SNX24: variants seen among roughly 807,000 people sequenced by gnomAD.
SNX24 encodes the protein sorting nexin 24.
SNX24 carries 22 observed loss-of-function variants against 28.7 expected under a neutral mutation model. That is an observed-to-expected ratio of 0.77 (90% CI 0.55 to 1.10). SNX24 has a LOEUF of 1.10. Among genes scored for constraint, SNX24 ranks in the 50% least tolerant of loss-of-function variants. SNX24 has a pLI of 0.00. For missense variants in SNX24, 221 were observed against 201.1 expected (o/e 1.10, Z -0.60); for synonymous variants, 69 against 71.5 (o/e 0.96, Z 0.18).
chr5:122,872,922 A>T (rs900960932), intron 1 of SNX24, among the ~76,000 whole-genome samples: 1 of 151,486 alleles, frequency 6.6e-6, no homozygotes, highest in Non-Finnish European at 1.5e-5. Flanking sequence ...TCAGGTTCAG[A>T]TGAGGCCAGT....
intron 1 of SNX24, among the ~76,000 whole-genome samples, chr5:122,917,382 A>T (rs1421989633): frequency 6.6e-6 from 1 of 152,234 alleles, no homozygotes; most frequent in Non-Finnish European, 1.5e-5. Flanking sequence ...ATCTCATTTG[A>T]CAATGAACTT....
chr5:122,869,406 A>C (rs1026067167), intron 1 of SNX24, among the ~76,000 whole-genome samples: 13 of 152,364 alleles, frequency 8.5e-5, no homozygotes, highest in African/African-American at 2.9e-4. Flanking sequence ...GATACCAGGA[A>C]ACCTGCTGAA....
At chr5:122,971,440 G>A (rs1166376211) in intron 3 of SNX24, among the ~76,000 whole-genome samples, 1 of 152,050 alleles carries the variant, frequency 6.6e-6, no homozygotes, top group African/African-American at 2.4e-5. Context: ...TTGACACTCA[G>A]TATTAACCAT....
At chr5:122,948,981 T>C (rs1759815424) in intron 3 of SNX24, among the ~76,000 whole-genome samples, 1 of 152,216 alleles carries the variant, frequency 6.6e-6, no homozygotes, top group South Asian at 2.1e-4. Context: ...AGATAGATGA[T>C]TTTTTAAATC....
intron 3 of SNX24, among the ~76,000 whole-genome samples, chr5:122,949,286 A>G: frequency 6.6e-6 from 1 of 152,318 alleles, no homozygotes; most frequent in East Asian, 1.9e-4. Context: ...TCAACTTGAA[A>G]ATAAACATAT....
intron 3 of SNX24, among the ~76,000 whole-genome samples, chr5:122,958,153 T>A (rs574021507): frequency 6.6e-6 from 1 of 152,330 alleles, no homozygotes; most frequent in Non-Finnish European, 1.5e-5. Context: ...TGATATTTAC[T>A]GTGGGTTTTA....
At chr5:122,911,812 C>A (rs879740582) in intron 1 of SNX24, among the ~76,000 whole-genome samples, 1,416 of 109,332 alleles carry the variant, frequency 0.013, 15 homozygotes, top group African/African-American at 0.034. Flanking sequence ...GGGCTCTGTT[C>A]TGTTCCATTG....
intron 4 of SNX24, among the ~76,000 whole-genome samples, chr5:123,000,961 T>C (rs950720908): frequency 6.6e-6 from 1 of 152,244 alleles, no homozygotes; most frequent in African/African-American, 2.4e-5. Flanking sequence ...CAGCTCCTCA[T>C]GAGCACTGTT....
In SNX24 at chr5:122,920,150, A is replaced by G. The variant is rs924240814; in HGVS notation, c.61-16584A>G. Among the ~76,000 whole-genome samples, 7 of 152,202 alleles carry G rather than the reference A, an allele frequency of 4.6e-5. No homozygotes were observed. In the South Asian group the frequency reaches 1.4e-3, roughly 32 times the overall value. On this transcript the variant is annotated intron_variant, in intron 1 of 6. Transcript: ENST00000261369. ...GGAGAGAGAGGTGTGAAAAGTTTGG[A>G]AAAGCCAGTTGGATGAGAAGGCATG...
intron 3 of SNX24, among the ~76,000 whole-genome samples, chr5:122,953,543 C>T (rs1042429077): frequency 4.1e-5 from 6 of 147,232 alleles, no homozygotes; most frequent in East Asian, 2.0e-4. Context: ...AAAAAACAAA[C>T]GATGGGCAAG....
At chr5:122,868,142 G>A (rs1395371866) in intron 1 of SNX24, among the ~76,000 whole-genome samples, 1 of 152,194 alleles carries the variant, frequency 6.6e-6, no homozygotes, top group African/African-American at 2.4e-5. Context: ...GGGGCCATAG[G>A]TGCAGACTGG....
At chr5:122,965,627 G>A (rs1392881594) in intron 3 of SNX24, 2 of 288,814 alleles carry the variant, frequency 6.9e-6, no homozygotes, top group Non-Finnish European at 1.4e-5. Context: ...GGATGGGGAT[G>A]GCTCACATTT....
At chr5:122,858,748 C>T (rs1184338359) in intron 1 of SNX24, among the ~76,000 whole-genome samples, 3 of 152,148 alleles carry the variant, frequency 2.0e-5, no homozygotes, top group Non-Finnish European at 4.4e-5. Flanking sequence ...TTCTTAATGT[C>T]ATTCATGATT....
intron 3 of SNX24, 104 bp from the exon 4 acceptor site, chr5:122,999,808 G>A (rs1448790026): frequency 9.3e-6 from 7 of 754,956 alleles, no homozygotes; most frequent in Non-Finnish European, 1.7e-5. Flanking sequence ...GAATGTTGCT[G>A]GTAAGAACTT....
chr5:122,913,439 G>A (rs1315690998), intron 1 of SNX24, among the ~76,000 whole-genome samples: 2 of 150,742 alleles, frequency 1.3e-5, no homozygotes, highest in Non-Finnish European at 3.0e-5. Context: ...GCCGGGCGGG[G>A]GGCTGACCCC....
At position 122,949,865 on chromosome 5, in the gene SNX24, AATC is replaced by A. The variant is rs537658632; in HGVS notation, c.249+3707_249+3709del. On this transcript the variant is annotated intron_variant, in intron 3 of 6. Transcript: ENST00000261369. ...AGTACGTATAGTATCTTAGAATCAA[AATC>A]TATAATTAATCAGGGAGACATCAGA... Among the ~76,000 whole-genome samples, 191 of 152,322 alleles carry A rather than the reference AATC, an allele frequency of 1.3e-3. 1 individual carries two copies. Among genetic ancestry groups the A allele is most frequent in the Non-Finnish European group, 1.3e-3 (90 of 68,006 alleles).
chr5:123,028,992 C>G, intron 5 of SNX24: 2 of 879,210 alleles, frequency 2.3e-6, no homozygotes, highest in Non-Finnish European at 3.4e-6. Flanking sequence ...TTGATTCTAT[C>G]CCAGCTATGG....
chr5:122,891,573 A>G (rs1196966748), intron 1 of SNX24, among the ~76,000 whole-genome samples: 3 of 152,146 alleles, frequency 2.0e-5, no homozygotes, highest in Admixed American at 6.5e-5. Context: ...ATTACCTCAC[A>G]TAGTTTTCAG....
chr5:122,909,391 A>G (rs576459398), intron 1 of SNX24, among the ~76,000 whole-genome samples: 46 of 152,310 alleles, frequency 3.0e-4, no homozygotes, highest in African/African-American at 1.1e-3. Flanking sequence ...TAACAGGTGA[A>G]AAAACAGATG....
Sources: allele counts gnomAD v4.1 joint callset (sites outside exome capture counted in the v4.1 genomes callset), GRCh38; gene constraint gnomAD v4.1.1; transcripts MANE v1.5; gene names NCBI Gene and HGNC (gene_info 2026-07-23, HGNC 2026-07-21).